PPP2R3A: variants seen among roughly 807,000 people sequenced by gnomAD.
PPP2R3A encodes the protein serine/threonine-protein phosphatase 2A regulatory subunit B'' subunit alpha.
PPP2R3A carries 80 observed loss-of-function variants against 106.9 expected under a neutral mutation model. That is an observed-to-expected ratio of 0.75 (90% CI 0.62 to 0.90). The LOEUF (loss-of-function observed/expected upper bound fraction) is 0.90, where lower values mean the gene tolerates loss of function less well. Among genes scored for constraint, PPP2R3A ranks in the 40% least tolerant of loss-of-function variants. The pLI is 0.00. For missense variants in PPP2R3A, 1,386 were observed against 1,350.4 expected (o/e 1.03, Z -0.41); for synonymous variants, 483 against 468.3 (o/e 1.03, Z -0.41).
At chr3:135,996,643 A>T (rs907424324) in intron 1 of PPP2R3A, among the ~76,000 whole-genome samples, 2 of 152,170 alleles carry the variant, frequency 1.3e-5, no homozygotes, top group Admixed American at 6.5e-5. Context: ...ATATTACTTC[A>T]TACTTCTTTT....
intron 13 of PPP2R3A, among the ~76,000 whole-genome samples, chr3:136,114,348 G>C (rs1056141798): frequency 1.3e-5 from 2 of 152,210 alleles, no homozygotes; most frequent in Admixed American, 6.5e-5. Context: ...CATTCAGGCA[G>C]ACACCGAGCT....
chr3:136,145,241 A>G lies in PPP2R3A; in HGVS notation c.*75A>G. 6.7e-7 allele frequency: 1 copy of G among 1,501,384 alleles called. No homozygotes were observed. Among genetic ancestry groups the G allele is most frequent in the South Asian group, 1.3e-5 (1 of 75,460 alleles). The allele number at this position is 1,501,384 out of a possible 1,614,324, so 93.0% of individuals were successfully genotyped here. A position where few individuals can be genotyped will look rare whatever the true frequency, so the allele number is the denominator to read the frequency against. On this transcript the variant is annotated 3_prime_UTR_variant, in exon 14 of 14. Transcript: ENST00000264977. ...CTTGTGAAGAGATGTTCTCGTTTGCATACTGCTTTTTAAAGACTTTGATTT... is the reference window on the plus strand; with the variant it reads ...CTTGTGAAGAGATGTTCTCGTTTGCGTACTGCTTTTTAAAGACTTTGATTT...
chr3:136,020,815 G>C (rs1934440375), intron 2 of PPP2R3A, among the ~76,000 whole-genome samples: 1 of 152,028 alleles, frequency 6.6e-6, no homozygotes, highest in Non-Finnish European at 1.5e-5. Flanking sequence ...CTGTTTCAGA[G>C]GAGAAATGGA....
At chr3:136,045,745 C>T (rs1185617896) in intron 4 of PPP2R3A, among the ~76,000 whole-genome samples, 1 of 152,194 alleles carries the variant, frequency 6.6e-6, no homozygotes, top group Non-Finnish European at 1.5e-5. Flanking sequence ...ACAGACCACC[C>T]ACAGACATAC....
At chr3:136,094,647 T>C (rs1937174873) in intron 10 of PPP2R3A, among the ~76,000 whole-genome samples, 1 of 152,150 alleles carries the variant, frequency 6.6e-6, no homozygotes, top group South Asian at 2.1e-4. Context: ...CCAATTTCCT[T>C]TAAAGTCACA....
At chr3:136,065,168 G>T (rs1936222242) in intron 5 of PPP2R3A, among the ~76,000 whole-genome samples, 1 of 152,122 alleles carries the variant, frequency 6.6e-6, no homozygotes, top group Admixed American at 6.6e-5. Flanking sequence ...CTCAAATATT[G>T]GGATAGGGGA....
chr3:135,968,162 C>T (rs1937144549), intron 1 of PPP2R3A, among the ~76,000 whole-genome samples: 1 of 152,090 alleles, frequency 6.6e-6, no homozygotes, highest in Non-Finnish European at 1.5e-5. Context: ...GCCTGTTTTG[C>T]CAACTGGACA....
intron 2 of PPP2R3A, among the ~76,000 whole-genome samples, chr3:136,014,955 A>G (rs6439615): frequency 0.65 from 98,876 of 151,940 alleles, 34,346 homozygotes; most frequent in African/African-American, 0.9. Context: ...AATGTTGGCT[A>G]TGGGTTTGTC....
intron 12 of PPP2R3A, 135 bp from the exon 13 acceptor site, chr3:136,106,081 C>T (rs1379210699): frequency 1.4e-6 from 1 of 707,278 alleles, no homozygotes; most frequent in Non-Finnish European, 2.3e-6. Flanking sequence ...TACCTTAGCA[C>T]CTCTTTTAAA....
chr3:136,121,075 T>G (rs144884552), intron 13 of PPP2R3A, among the ~76,000 whole-genome samples: 5 of 152,180 alleles, frequency 3.3e-5, no homozygotes, highest in African/African-American at 1.2e-4. Context: ...GCAATCCCAC[T>G]GCTGGGTATA....
chr3:136,146,881 A>T lies in PPP2R3A; in HGVS notation c.*1715A>T, dbSNP rs1201330596. Reference sequence around the variant, plus strand: ...AGATAGAAATACAAAAAAAAAAAAAATACTTTTCTTAGAAGCCAGATATGG... The same window carrying T: ...AGATAGAAATACAAAAAAAAAAAAATTACTTTTCTTAGAAGCCAGATATGG... On this transcript the variant is annotated 3_prime_UTR_variant, in exon 14 of 14. Coordinates refer to ENST00000264977, the MANE Select transcript of PPP2R3A (RefSeq NM_002718.5). 7 of 151,988 alleles carry T rather than the reference A, an allele frequency of 4.6e-5. No homozygotes were observed. Among genetic ancestry groups the T allele is most frequent in the Non-Finnish European group, 1.0e-4 (7 of 68,010 alleles). 9.4% of individuals were successfully genotyped at this position (151,988 alleles called of 1,614,324 possible). A position where few individuals can be genotyped will look rare whatever the true frequency, so the allele number is the denominator to read the frequency against.
chr3:136,086,959 T>A (rs943523338), intron 8 of PPP2R3A, among the ~76,000 whole-genome samples: 1 of 152,160 alleles, frequency 6.6e-6, no homozygotes, highest in Non-Finnish European at 1.5e-5. Context: ...CCTAGCACTT[T>A]GGGAGGCTGA....
Position 136,078,373 on chromosome 3 carries a change from C to T in PPP2R3A, c.2551C>T (p.Gln851Ter). ...ATTTTCCTTTTGGAACCAGGTTATT[C>T]AGAGAATATTCTACACAGTCAACAG... ...FHSRYITTVI[Q>*]RIFYTVNRSW... The change falls in exon 7 of 14, where the codon CAG becomes TAG. Residue 851 changes from glutamine to a stop codon, truncating the protein, a stop_gained. Transcript: ENST00000264977. LOFTEE classifies it high-confidence loss of function. 1 of 1,599,786 alleles carries T rather than the reference C, an allele frequency of 6.3e-7. No homozygotes were observed. The highest frequency in any genetic ancestry group is 8.5e-7 in the Non-Finnish European group (1 of 1,170,926).
chr3:135,976,949 A>G (rs890759569), intron 1 of PPP2R3A, among the ~76,000 whole-genome samples: 4 of 152,142 alleles, frequency 2.6e-5, no homozygotes, highest in Non-Finnish European at 5.9e-5. Context: ...AAATTCTCAT[A>G]TGTGCATAAG....
In PPP2R3A at chr3:136,033,547, C is replaced by G. The variant is rs182031985; in HGVS notation, c.2262+6449C>G. Among the ~76,000 whole-genome samples the G allele has an allele frequency of 2.6e-5, 4 of 152,262 alleles. No homozygotes were observed. The East Asian group carries it at 7.7e-4, about 29-fold the overall frequency. On this transcript the variant is annotated intron_variant, in intron 3 of 13. Transcript: ENST00000264977. ...TTTTTGTTGGTAATTTTTAAACTAC[C>G]ATTTCAATATCACTGCTTGTTGCTG...
chr3:135,987,288 C>G (rs1484987459), intron 1 of PPP2R3A, among the ~76,000 whole-genome samples: 1 of 152,184 alleles, frequency 6.6e-6, no homozygotes, highest in South Asian at 2.1e-4. Flanking sequence ...GTAACATAAC[C>G]AGAGTATCAG....
intron 13 of PPP2R3A, among the ~76,000 whole-genome samples, chr3:136,127,100 C>T (rs1938209634): frequency 6.6e-6 from 1 of 152,156 alleles, no homozygotes; most frequent in Non-Finnish European, 1.5e-5. Context: ...AATCAGAGCA[C>T]CTCTTCTCCT....
intron 2 of PPP2R3A, among the ~76,000 whole-genome samples, chr3:136,012,921 TG>T (rs1190857210): frequency 6.6e-6 from 1 of 152,188 alleles, no homozygotes; most frequent in Non-Finnish European, 1.5e-5. Context: ...CTGTGCCTAA[TG>T]TATAGTCTTT....
intron 12 of PPP2R3A, among the ~76,000 whole-genome samples, chr3:136,105,222 G>C (rs1332189770): frequency 1.3e-5 from 2 of 152,224 alleles, no homozygotes; most frequent in Non-Finnish European, 2.9e-5. Flanking sequence ...GGGGGCTTGG[G>C]GAAGGTACAT....
Sources: allele counts gnomAD v4.1 joint callset (sites outside exome capture counted in the v4.1 genomes callset), GRCh38; gene constraint gnomAD v4.1.1; transcripts MANE v1.5; gene names NCBI Gene and HGNC (gene_info 2026-07-23, HGNC 2026-07-21).